ZBTB7B: variants seen among roughly 807,000 people sequenced by gnomAD.
ZBTB7B encodes zinc finger and BTB domain-containing protein 7B.
A neutral mutation model predicts 31.0 loss-of-function variants in ZBTB7B; 8 were observed. The observed-to-expected ratio is 0.26, with a 90% CI of 0.15 to 0.47. The LOEUF (loss-of-function observed/expected upper bound fraction) is 0.47, where lower values mean the gene tolerates loss of function less well. Among genes scored for constraint, ZBTB7B ranks in the 20% least tolerant of loss-of-function variants. The pLI is 0.99. For missense variants in ZBTB7B, 494 were observed against 742.4 expected (o/e 0.67, Z 3.89); for synonymous variants, 261 against 307.3 (o/e 0.85, Z 1.58).
At position 155,017,435 on chromosome 1, in the gene ZBTB7B, G is replaced by A. The variant is rs559372714; in HGVS notation, c.*750G>A. On this transcript the variant is annotated 3_prime_UTR_variant, in exon 3 of 3. Coordinates refer to ENST00000535420, the MANE Select transcript of ZBTB7B (RefSeq NM_001256455.2). ...CCTCCCTCCCCACGGCCCTGGGCAG[G>A]GAATGTCTTGTTCCCGCCGCTCCCT... 2 of 152,366 alleles carry A rather than the reference G, an allele frequency of 1.3e-5. No individual in the cohort carries two copies. Among genetic ancestry groups the A allele is most frequent in the South Asian group, 4.1e-4 (2 of 4,832 alleles). The allele number at this position is 152,366 out of a possible 1,614,324, so 9.4% of individuals were successfully genotyped here.
intron 1 of ZBTB7B, among the ~76,000 whole-genome samples, chr1:155,012,789 C>CT (rs1446870340): frequency 4.0e-5 from 6 of 150,690 alleles, no homozygotes; most frequent in Non-Finnish European, 1.5e-5. Flanking sequence ...TGTGGCTTGA[C>CT]TCCCCCATTC....
At chr1:155,010,945 C>T (rs978961349) in intron 1 of ZBTB7B, 2 of 1,535,774 alleles carry the variant, frequency 1.3e-6, no homozygotes, top group African/African-American at 2.7e-5. Flanking sequence ...CCTCATCCTC[C>T]CTCACCCCAA....
chr1:155,006,535 G>A (rs893002670), intron 1 of ZBTB7B, among the ~76,000 whole-genome samples: 1 of 152,186 alleles, frequency 6.6e-6, no homozygotes, highest in Non-Finnish European at 1.5e-5. Flanking sequence ...AGGGCTGATG[G>A]CAGGCAAATG....
At chr1:155,002,415 T>C (rs1364162204), upstream of ZBTB7B, among the ~76,000 whole-genome samples, 1 of 143,412 alleles carries the variant, frequency 7.0e-6, no homozygotes, top group African/African-American at 2.6e-5. Context: ...TGGGAAAGGC[T>C]AGGAGAGCTA....
intron 1 of ZBTB7B, among the ~76,000 whole-genome samples, chr1:155,008,267 C>T (rs1023310596): frequency 7.2e-5 from 11 of 152,100 alleles, no homozygotes; most frequent in African/African-American, 1.9e-4. Context: ...GGTTGGCACC[C>T]GGGCAAGGAA....
chr1:155,016,701 A>G lies in ZBTB7B; in HGVS notation c.*16A>G. 7.2e-7 allele frequency: 1 copy of G among 1,397,820 alleles called. No homozygotes were observed. The allele number at this position is 1,397,820 out of a possible 1,614,324, so 86.6% of individuals were successfully genotyped here. On this transcript the variant is annotated 3_prime_UTR_variant, in exon 3 of 3. Coordinates refer to ENST00000535420, the MANE Select transcript of ZBTB7B (RefSeq NM_001256455.2). This position sits in a 1 kb window ranked among gnomAD's most constrained non-coding sequence, Gnocchi z 4.3. ...GTCCTCTTAAAGAGGGACGAGGGCC[A>G]GACTGAAGCAGCACAAGGCCGGGGA...
chr1:155,016,182 C>A lies in ZBTB7B; in HGVS notation c.1155-38C>A. 6.3e-7 allele frequency: 1 copy of A among 1,592,946 alleles called. No homozygotes were observed. The highest frequency in any genetic ancestry group is 1.7e-5 in the Admixed American group (1 of 59,120). On this transcript the variant is annotated intron_variant, in intron 2 of 2. Transcript: ENST00000535420. The surrounding 1 kb of genome is among the most constrained non-coding windows in gnomAD (Gnocchi z 4.3). Reference sequence around the variant, plus strand: ...ACCAGGAGGAGCCAGGGATCCCATCCTGAACACCTCCCTGCCCCTCACCCC... The same window carrying A: ...ACCAGGAGGAGCCAGGGATCCCATCATGAACACCTCCCTGCCCCTCACCCC...
rs79321487 is a variant in ZBTB7B at position 155,007,438 on chromosome 1, A to T, written c.-7+4495A>T. On this transcript the variant is annotated intron_variant, in intron 1 of 2. Transcript: ENST00000535420. ...TTGCAGGGACTTTGGTGCCCAAGCA[A>T]ATGCTTGGGCAGGGGGAATGCCGGG... Among the ~76,000 whole-genome samples the T allele has an allele frequency of 8.3e-3, 1,264 of 152,300 alleles. 19 individuals are homozygous for T. The highest frequency in any genetic ancestry group is 0.028 in the African/African-American group (1,173 of 41,560).
At chr1:155,011,154 G>A (rs748709273) in intron 1 of ZBTB7B, 5 of 826,440 alleles carry the variant, frequency 6.1e-6, no homozygotes, top group Non-Finnish European at 9.5e-6. Context: ...CAGGGTGGGG[G>A]AAAGGGGGGT....
At chr1:155,014,554 CATGCAG>C in intron 1 of ZBTB7B, 95 bp from the exon 2 acceptor site, 1 of 1,011,114 alleles carries the variant, frequency 9.9e-7, no homozygotes, top group Non-Finnish European at 1.5e-6. Context: ...GGGTGACTGG[CATGCAG>C]TCATCCCTCA....
At chr1:155,006,447 AC>A (rs1264213986) in intron 1 of ZBTB7B, among the ~76,000 whole-genome samples, 4 of 152,272 alleles carry the variant, frequency 2.6e-5, no homozygotes, top group Non-Finnish European at 4.4e-5. Context: ...CTTCCCCAGA[AC>A]CAGGTCAGCC....
chr1:155,015,154 C>T lies in ZBTB7B; in HGVS notation c.494C>T (p.Ala165Val). The change falls in exon 2 of 3, where the codon GCC becomes GTC. Residue 165 changes from alanine to valine, a missense_variant. Ala to Val is a moderately conservative substitution (Grantham distance 64). Around this residue, in one of 5 missense-constraint regions of ZBTB7B, gnomAD observed 216 missense variants for 229.3 expected, o/e 0.94. Transcript: ENST00000535420. The part of the protein sequence containing the change: ...DCERARQYLE[A>V]FATATASGVP... The stretch of plus-strand genomic sequence containing the variant: ...GAGCGAGCCCGCCAGTATCTGGAGG[C>T]CTTTGCCACAGCCACGGCCTCTGGA... 6.2e-7 allele frequency: 1 copy of T among 1,613,754 alleles called. No homozygotes were observed. Among genetic ancestry groups the T allele is most frequent in the Non-Finnish European group, 8.5e-7 (1 of 1,180,006 alleles).
rs1183818708 is a variant in ZBTB7B, at chr1:155,004,144, G to T, written c.-7+1201G>T. ...CGGTGCTAGCTGACCCACAGGAAAC[G>T]AGCGCTGCTGACCTAGTTTGGGACA... On this transcript the variant is annotated intron_variant, in intron 1 of 2. Coordinates refer to ENST00000535420, the MANE Select transcript of ZBTB7B (RefSeq NM_001256455.2). This position sits in a 1 kb window ranked among gnomAD's most constrained non-coding sequence, Gnocchi z 4.0. Among the ~76,000 whole-genome samples the T allele has an allele frequency of 6.6e-6, 1 of 152,228 alleles. No individual in the cohort carries two copies. Among genetic ancestry groups the T allele is most frequent in the Non-Finnish European group, 1.5e-5 (1 of 68,032 alleles).
chr1:155,014,907 G>A lies in ZBTB7B; in HGVS notation c.247G>A (p.Gly83Arg). Reference protein sequence around the residue: ...GAGGSGTATGGAGAGVCELDF... With the variant: ...GAGGSGTATGRAGAGVCELDF... Reference sequence around the variant, plus strand: ...CGGGGGTAGCGGGACGGCCACTGGGGGAGCAGGGGCCGGTGTGTGTGAGCT... The same window carrying A: ...CGGGGGTAGCGGGACGGCCACTGGGAGAGCAGGGGCCGGTGTGTGTGAGCT... Residue 83 changes from glycine (G) to arginine (R), a missense_variant, in exon 2 of 3, where the codon GGA (glycine) becomes AGA (arginine). By Grantham distance (125) the Gly-to-Arg change is moderately radical (BLOSUM62 -2). Around this residue, in one of 5 missense-constraint regions of ZBTB7B, gnomAD observed 90 missense variants for 143.2 expected, o/e 0.63. Coordinates refer to ENST00000535420, the MANE Select transcript of ZBTB7B (RefSeq NM_001256455.2). 1 of 1,614,006 alleles carries A rather than the reference G, an allele frequency of 6.2e-7. No homozygotes were observed. The highest frequency in any genetic ancestry group is 8.5e-7 in the Non-Finnish European group (1 of 1,179,984).
In ZBTB7B at chr1:155,016,881, G is replaced by A; in HGVS notation, c.*196G>A. On this transcript the variant is annotated 3_prime_UTR_variant, in exon 3 of 3. Transcript: ENST00000535420. The surrounding 1 kb of genome is among the most constrained non-coding windows in gnomAD (Gnocchi z 4.3). ...GGGCAGAGGCTCCCCAAATTGGGGT[G>A]ATCCCCCAAGGAGTGATACATATAT... 1 of 558,722 alleles carries A rather than the reference G, an allele frequency of 1.8e-6. No homozygotes were observed. Among genetic ancestry groups the A allele is most frequent in the Non-Finnish European group, 3.2e-6 (1 of 313,566 alleles). The allele number at this position is 558,722 out of a possible 1,614,324, so 34.6% of individuals were successfully genotyped here.
At position 155,004,696 on chromosome 1, in the gene ZBTB7B, G is replaced by T. The variant is rs566857243; in HGVS notation, c.-7+1753G>T. Among the ~76,000 whole-genome samples the T allele has an allele frequency of 6.6e-6, 1 of 152,180 alleles. No individual in the cohort carries two copies. Among genetic ancestry groups the T allele is most frequent in the Admixed American group, 6.5e-5 (1 of 15,298 alleles). The stretch of plus-strand genomic sequence containing the variant: ...GGAGAAGGGTAGGGGGCTCCCCCTG[G>T]AGCAGCTGATGAAACAAGGAGAAAT... On this transcript the variant is annotated intron_variant, in intron 1 of 2. Transcript: ENST00000535420. The surrounding 1 kb of genome is among the most constrained non-coding windows in gnomAD (Gnocchi z 4.0).
rs549510566 is a variant in ZBTB7B, at chr1:155,015,229, C to A, written c.569C>A (p.Pro190Gln). 1 of 1,613,784 alleles carries A rather than the reference C, an allele frequency of 6.2e-7. No individual in the cohort carries two copies. Among genetic ancestry groups the A allele is most frequent in the Admixed American group, 1.7e-5 (1 of 60,026 alleles). ...CCACAGGTGCCCCTCCCACCACCTC[C>A]GCCACCGCCACCTCGGCCTGTTGCC... ...SPPQVPLPPPPPPPPRPVARR... is the reference protein window; with the variant it reads ...SPPQVPLPPPQPPPPRPVARR... Residue 190 changes from proline to glutamine, a missense_variant, in exon 2 of 3, where the codon CCG becomes CAG. Physicochemically the swap from Pro to Gln is moderately conservative, Grantham distance 76 (BLOSUM62 -1). This residue lies in a region of ZBTB7B where 216 missense variants were observed against 229.3 expected (regional missense o/e 0.94). Coordinates refer to ENST00000535420, the MANE Select transcript of ZBTB7B (RefSeq NM_001256455.2).
chr1:155,011,296 C>T (rs1658958187), intron 1 of ZBTB7B, among the ~76,000 whole-genome samples: 1 of 152,256 alleles, frequency 6.6e-6, no homozygotes, highest in African/African-American at 2.4e-5. Flanking sequence ...GGAAAGAGTT[C>T]CCATCTCCCT....
intron 1 of ZBTB7B, chr1:155,014,377 T>A: frequency 2.2e-6 from 1 of 445,854 alleles, no homozygotes; most frequent in African/African-American, 2.0e-5. Flanking sequence ...AATAGTATAG[T>A]GGTTAGGAAC....
Sources: gnomAD v4.1 joint callset for allele counts (sites outside exome capture counted in the v4.1 genomes callset) on GRCh38, gnomAD v4.1.1 for gene constraint, gnomAD v4.1.1 regional missense constraint, Gnocchi (gnomAD v3.1) non-coding constraint, MANE v1.5 for transcripts, NCBI Gene and HGNC (gene_info 2026-07-23, HGNC 2026-07-21) for gene names.